CRACD: variants seen among roughly 807,000 people sequenced by gnomAD.
CRACD encodes capping protein inhibiting regulator of actin dynamics.
In CRACD, 56 loss-of-function variants were observed where a neutral mutation model predicts 106.8. The observed-to-expected ratio is 0.52, with a 90% CI of 0.42 to 0.66. The LOEUF (loss-of-function observed/expected upper bound fraction) is 0.66, where lower values mean the gene tolerates loss of function less well. CRACD is among the 30% of genes least tolerant of loss of function. CRACD has a pLI of 0.00. For missense variants in CRACD, 1,730 were observed against 1,623.2 expected, an observed-to-expected ratio of 1.07 and a Z score of -1.13; for synonymous variants, 754 against 670.8, an observed-to-expected ratio of 1.12 and a Z score of -1.92.
At chr4:56,064,579 C>T in intron 1 of CRACD, among the ~76,000 whole-genome samples, 1 of 152,144 alleles carries the variant, frequency 6.6e-6, no homozygotes, top group East Asian at 1.9e-4. Flanking sequence ...CTTCTTGTCT[C>T]CCACCTTCTC....
chr4:56,177,638 A>C (rs1736643541), intron 1 of CRACD, among the ~76,000 whole-genome samples: 2 of 152,208 alleles, frequency 1.3e-5, no homozygotes, highest in Non-Finnish European at 2.9e-5. Flanking sequence ...CAGTGAAGCC[A>C]TCAGGTTCTG....
chr4:56,327,653 C>G lies in CRACD; in HGVS notation c.3551C>G (p.Ser1184Cys). Reference protein sequence around the residue: ...TLPTSVTVEISDSAPPAPLVK... With the variant: ...TLPTSVTVEICDSAPPAPLVK... ...TCAAAACAAAATCCAGTGGAGATCT[C>G]CGACTCGGCTCCCCCAGCGCCGCTG... The change falls in exon 11 of 11, where the codon TCC becomes TGC. Residue 1184 changes from serine to cysteine, a missense_variant. By Grantham distance (112) the Ser-to-Cys change is moderately radical. Around this residue, in one of 5 missense-constraint regions of CRACD, gnomAD observed 89 missense variants for 89.6 expected, o/e 0.99. Coordinates refer to ENST00000682029, the MANE Select transcript of CRACD (RefSeq NM_001393381.1). 1 of 1,613,338 alleles carries G rather than the reference C, an allele frequency of 6.2e-7. No individual in the cohort carries two copies. Among genetic ancestry groups the G allele is most frequent in the Non-Finnish European group, 8.5e-7 (1 of 1,179,590 alleles).
intron 2 of CRACD, among the ~76,000 whole-genome samples, chr4:56,200,126 G>A (rs1258357330): frequency 6.6e-6 from 1 of 150,674 alleles, no homozygotes; most frequent in Non-Finnish European, 1.5e-5. Context: ...TGCAGTATTT[G>A]TTGTAAGTTC....
chr4:56,117,972 TG>T (rs1394132000), intron 1 of CRACD, among the ~76,000 whole-genome samples: 2 of 152,104 alleles, frequency 1.3e-5, no homozygotes, highest in Non-Finnish European at 2.9e-5. Flanking sequence ...TTATCCAGGC[TG>T]GTCTCGAACT....
chr4:56,192,490 C>A (rs542657324), intron 2 of CRACD, among the ~76,000 whole-genome samples: 1 of 152,042 alleles, frequency 6.6e-6, no homozygotes, highest in Non-Finnish European at 1.5e-5. Context: ...ATATCTAATC[C>A]TGTAGTTACT....
rs536509551 is a variant in CRACD at position 56,182,808 on chromosome 4, A to G, written c.-189+3378A>G. Among the ~76,000 whole-genome samples, 54 of 151,946 alleles carry G rather than the reference A, an allele frequency of 3.6e-4. No homozygotes were observed. In the Middle Eastern group the frequency reaches 0.014, roughly 38 times the overall value. ...CTGTAATTTTAAAAACATATGTAGAACATTTTGTGATGGAATTAAATGATT... is the reference window on the plus strand; with the variant it reads ...CTGTAATTTTAAAAACATATGTAGAGCATTTTGTGATGGAATTAAATGATT... On this transcript the variant is annotated intron_variant, in intron 2 of 10. Coordinates refer to ENST00000682029, the MANE Select transcript of CRACD (RefSeq NM_001393381.1).
chr4:56,274,394 A>C (rs1742551614), intron 3 of CRACD, among the ~76,000 whole-genome samples: 1 of 152,200 alleles, frequency 6.6e-6, no homozygotes, highest in African/African-American at 2.4e-5. Context: ...AACACAACCC[A>C]TCCTTTTTGT....
At chr4:56,294,904 A>T (rs1249290028) in intron 3 of CRACD, among the ~76,000 whole-genome samples, 1 of 133,800 alleles carries the variant, frequency 7.5e-6, no homozygotes, top group Non-Finnish European at 1.6e-5. Context: ...GCAGAGCAAG[A>T]CCTTGTCTCA....
intron 1 of CRACD, among the ~76,000 whole-genome samples, chr4:56,063,450 A>G (rs1318340116): frequency 6.6e-6 from 1 of 152,178 alleles, no homozygotes; most frequent in Non-Finnish European, 1.5e-5. Context: ...AAGTACATTC[A>G]CAGTGTCAAG....
intron 2 of CRACD, among the ~76,000 whole-genome samples, chr4:56,242,425 T>C (rs1420294863): frequency 1.3e-5 from 2 of 152,168 alleles, no homozygotes; most frequent in Non-Finnish European, 2.9e-5. Context: ...TTCCTTCTGC[T>C]CTTCCAAATC....
chr4:56,314,657 G>A lies in CRACD; in HGVS notation c.1155G>A (p.Ala385=), dbSNP rs1244961142. 1.0e-5 allele frequency: 16 copies of A among 1,548,780 alleles called. No individual in the cohort carries two copies. The highest frequency in any genetic ancestry group is 1.3e-5 in the Non-Finnish European group (15 of 1,145,876). The change falls in exon 8 of 11, where the codon GCG becomes GCA. Residue 385 remains alanine, a synonymous_variant. Transcript: ENST00000682029. This position sits in a 1 kb window ranked among gnomAD's most constrained non-coding sequence, Gnocchi z 4.4. ...CGGAGGTGCAGGGGCCGCCCGAGGCGTTGGAGGAGACTGGGGAGGGCCGGC... is the reference window on the plus strand; with the variant it reads ...CGGAGGTGCAGGGGCCGCCCGAGGCATTGGAGGAGACTGGGGAGGGCCGGC... The part of the protein sequence containing the change: ...QEAEVQGPPE[A]LEETGEGRRG...
At chr4:56,222,089 C>T (rs1051798688) in intron 2 of CRACD, among the ~76,000 whole-genome samples, 24 of 152,316 alleles carry the variant, frequency 1.6e-4, no homozygotes, top group African/African-American at 5.8e-4. Flanking sequence ...TGCCTGCACG[C>T]ATATGTTTTT....
At chr4:56,247,230 G>T (rs1228878429) in intron 2 of CRACD, among the ~76,000 whole-genome samples, 1 of 152,116 alleles carries the variant, frequency 6.6e-6, no homozygotes, top group Non-Finnish European at 1.5e-5. Context: ...AAGAGTTGGG[G>T]CCCAGGTGTA....
At chr4:56,254,961 A>T (rs186398229) in intron 2 of CRACD, among the ~76,000 whole-genome samples, 5 of 151,824 alleles carry the variant, frequency 3.3e-5, no homozygotes, top group Admixed American at 2.0e-4. Context: ...AAAAAATAAT[A>T]ATAATAACTA....
chr4:56,079,792 T>C (rs1732962130), intron 1 of CRACD, among the ~76,000 whole-genome samples: 1 of 152,172 alleles, frequency 6.6e-6, no homozygotes, highest in East Asian at 1.9e-4. Flanking sequence ...TTTAAAATTG[T>C]AAAAAACTTC....
At chr4:56,235,288 C>A (rs1005352030) in intron 2 of CRACD, among the ~76,000 whole-genome samples, 1 of 152,104 alleles carries the variant, frequency 6.6e-6, no homozygotes, top group Non-Finnish European at 1.5e-5. Context: ...GACATCCAAA[C>A]CATTTAAGGA....
chr4:56,273,547 GAAGTCAGTATCAGAGCTGGTTA>G (rs1481589751), intron 3 of CRACD, among the ~76,000 whole-genome samples: 2 of 152,056 alleles, frequency 1.3e-5, no homozygotes, highest in Non-Finnish European at 2.9e-5. Context: ...GCTTGGAATT[GAAGTCAGTATCAGAGCTGGTTA>G]AACTCTGATA....
intron 1 of CRACD, among the ~76,000 whole-genome samples, chr4:56,075,122 A>C (rs1330880532): frequency 6.6e-6 from 1 of 152,176 alleles, no homozygotes; most frequent in Non-Finnish European, 1.5e-5. Context: ...ATTGATGTTC[A>C]TCAGGGATAT....
chr4:56,230,269 G>A (rs1217525207), intron 2 of CRACD, among the ~76,000 whole-genome samples: 1 of 152,090 alleles, frequency 6.6e-6, no homozygotes, highest in East Asian at 1.9e-4. Flanking sequence ...GGTTAGGTAT[G>A]GTGACTGAGG....
Sources: gnomAD v4.1 joint callset for allele counts (sites outside exome capture counted in the v4.1 genomes callset) on GRCh38, gnomAD v4.1.1 for gene constraint, gnomAD v4.1.1 regional missense constraint, Gnocchi (gnomAD v3.1) non-coding constraint, MANE v1.5 for transcripts, NCBI Gene and HGNC (gene_info 2026-07-23, HGNC 2026-07-21) for gene names.